GRAMD1C: variants seen among roughly 807,000 people sequenced by gnomAD.
GRAMD1C encodes the protein GRAM domain containing 1C.
GRAMD1C carries 89 observed loss-of-function variants against 97.8 expected under a neutral mutation model. The observed-to-expected ratio is 0.91, with a 90% CI of 0.77 to 1.09. The LOEUF is 1.09. Among genes scored for constraint, GRAMD1C ranks in the 50% least tolerant of loss-of-function variants. The pLI, the probability that GRAMD1C is intolerant of heterozygous loss-of-function variation, is 0.00. For synonymous variants in GRAMD1C, 256 were observed against 267.0 expected (o/e 0.96, Z 0.40); for missense variants, 740 against 766.4 (o/e 0.97, Z 0.41).
intron 10 of GRAMD1C, chr3:113,920,138 A>C: frequency 7.1e-7 from 1 of 1,414,460 alleles, no homozygotes; most frequent in Non-Finnish European, 9.9e-7. Context: ...ACAGAGAAAA[A>C]ACTTTCACCA....
chr3:113,925,218 G>A (rs1299337831), intron 10 of GRAMD1C, among the ~76,000 whole-genome samples: 1 of 152,080 alleles, frequency 6.6e-6, no homozygotes, highest in African/African-American at 2.4e-5. Context: ...GTCTGGGCAC[G>A]GGGGCTCACG....
chr3:113,829,657 T>C (rs1709532860), intron 1 of GRAMD1C, among the ~76,000 whole-genome samples: 1 of 152,236 alleles, frequency 6.6e-6, no homozygotes, highest in Non-Finnish European at 1.5e-5. Flanking sequence ...GTTTGCTTTA[T>C]TTATTATTCT....
chr3:113,898,090 G>A (rs1391487485), intron 6 of GRAMD1C, among the ~76,000 whole-genome samples: 1 of 151,972 alleles, frequency 6.6e-6, no homozygotes, highest in Non-Finnish European at 1.5e-5. Context: ...TAAATTACTA[G>A]CTTGAAAAGT....
At chr3:113,901,679 G>A (rs1451154487) in intron 7 of GRAMD1C, among the ~76,000 whole-genome samples, 1 of 152,160 alleles carries the variant, frequency 6.6e-6, no homozygotes. Context: ...GAAATTAAGA[G>A]TACAGAGAGA....
rs759022966 is a variant in GRAMD1C, at chr3:113,882,808, G to T, written c.516G>T (p.Leu172Phe). The T allele has an allele frequency of 6.3e-7, 1 of 1,580,320 alleles. No homozygotes were observed. The highest frequency in any genetic ancestry group is 8.7e-7 in the Non-Finnish European group (1 of 1,149,896). ...GAAGTTACCTCAGTATCTTTAGGTT[G>T]TGGCAGAATGTATTATTAGATAAGG... ...RDRSYLSIFR[L>F]WQNVLLDKSL... Residue 172 changes from leucine (L) to phenylalanine (F), a missense_variant, in exon 6 of 18, where the codon TTG becomes TTT. Leu to Phe is a conservative substitution (Grantham distance 22). Transcript: ENST00000358160.
intron 10 of GRAMD1C, among the ~76,000 whole-genome samples, chr3:113,927,673 C>A (rs1249629753): frequency 6.6e-6 from 1 of 152,188 alleles, no homozygotes; most frequent in Non-Finnish European, 1.5e-5. Flanking sequence ...CTCTAGCAGG[C>A]ATGGCCTGTC....
intron 3 of GRAMD1C, among the ~76,000 whole-genome samples, chr3:113,873,551 C>T (rs2107379706): frequency 6.6e-6 from 1 of 152,046 alleles, no homozygotes; most frequent in East Asian, 1.9e-4. Context: ...CAGACTCTCA[C>T]TCTGTTGCCC....
intron 9 of GRAMD1C, chr3:113,913,092 T>TA (rs1319114000): frequency 1.6e-6 from 2 of 1,279,628 alleles, no homozygotes; most frequent in Non-Finnish European, 2.0e-6. Flanking sequence ...GGGCATGGAT[T>TA]AGTCATACGC....
At chr3:113,886,576 TTG>T (rs1935490627) in intron 6 of GRAMD1C, among the ~76,000 whole-genome samples, 1 of 152,142 alleles carries the variant, frequency 6.6e-6, no homozygotes, top group East Asian at 1.9e-4. Context: ...GTAACCAGCT[TTG>T]TGTCTTTTTT....
At chr3:113,879,742 G>A (rs1382707078) in intron 5 of GRAMD1C, among the ~76,000 whole-genome samples, 2 of 145,312 alleles carry the variant, frequency 1.4e-5, no homozygotes, top group Non-Finnish European at 3.0e-5. Context: ...CAACCAGGCT[G>A]GAGTGCAATG....
At chr3:113,908,766 A>G (rs1426673809) in intron 8 of GRAMD1C, among the ~76,000 whole-genome samples, 192 bp from the exon 9 acceptor site, 1 of 152,198 alleles carries the variant, frequency 6.6e-6, no homozygotes, top group Admixed American at 6.5e-5. Context: ...TTAGAATGGT[A>G]TATATTATTT....
intron 9 of GRAMD1C, among the ~76,000 whole-genome samples, chr3:113,910,241 G>A (rs56054804): frequency 0.2 from 30,733 of 152,002 alleles, 3,125 homozygotes; most frequent in African/African-American, 0.23. Flanking sequence ...AAATTAGCCG[G>A]GTGTGGCGGT....
At chr3:113,889,247 T>C (rs1935626039) in intron 6 of GRAMD1C, among the ~76,000 whole-genome samples, 1 of 151,826 alleles carries the variant, frequency 6.6e-6, no homozygotes, top group African/African-American at 2.4e-5. Flanking sequence ...AGTAATAAAA[T>C]GTAGTGAAGT....
chr3:113,877,594 G>A (rs772970622), intron 5 of GRAMD1C, among the ~76,000 whole-genome samples: 3 of 152,084 alleles, frequency 2.0e-5, no homozygotes, highest in Non-Finnish European at 4.4e-5. Flanking sequence ...TTAAATTTAG[G>A]TTGTGTAATT....
rs1189275882 is a variant in GRAMD1C, at chr3:113,886,783, T to G, written c.540+3951T>G. Among the ~76,000 whole-genome samples, 1,291 of 131,486 alleles carry G rather than the reference T, an allele frequency of 9.8e-3. 10 individuals carry two copies. Among genetic ancestry groups the G allele is most frequent in the African/African-American group, 0.033 (1,156 of 35,148 alleles). 86.3% of individuals were successfully genotyped at this position (131,486 alleles called of 152,430 possible). A position where few individuals can be genotyped will look rare whatever the true frequency, so the allele number is the denominator to read the frequency against. On this transcript the variant is annotated intron_variant, in intron 6 of 17. Transcript: ENST00000358160. The stretch of plus-strand genomic sequence containing the variant: ...TTTTTTTGTTTGTTTGCTTGTTTTT[T>G]TTTTTTTTTTTTTTTTTGAGATGGA...
intron 2 of GRAMD1C, chr3:113,850,751 G>A (rs1273721029): frequency 5.2e-6 from 7 of 1,343,392 alleles, no homozygotes; most frequent in Non-Finnish European, 6.3e-6. Context: ...TGTAGGGTCC[G>A]GGGCTGAGGC....
intron 17 of GRAMD1C, among the ~76,000 whole-genome samples, chr3:113,940,626 A>G (rs933471761): frequency 6.7e-6 from 1 of 149,522 alleles, no homozygotes; most frequent in Non-Finnish European, 1.5e-5. Flanking sequence ...ATCAGTGTGT[A>G]TACATCTACT....
chr3:113,885,289 G>T lies in GRAMD1C; in HGVS notation c.540+2457G>T, dbSNP rs1935428455. On this transcript the variant is annotated intron_variant, in intron 6 of 17. Transcript: ENST00000358160. ...GGCCTCCGGGGCCGGCGGTGCCGGG[G>T]TCATCCGGATGGTGCGGACGCAGTG... 36 of 1,485,012 alleles carry T rather than the reference G, an allele frequency of 2.4e-5. No homozygotes were observed. In the South Asian group the frequency reaches 3.6e-4, roughly 15 times the overall value. The allele number at this position is 1,485,012 out of a possible 1,614,324, so 92.0% of individuals were successfully genotyped here. A position where few individuals can be genotyped will look rare whatever the true frequency, so the allele number is the denominator to read the frequency against.
At chr3:113,850,869 TTG>T in intron 2 of GRAMD1C, 1 of 287,508 alleles carries the variant, frequency 3.5e-6, no homozygotes, top group Non-Finnish European at 5.6e-6. Context: ...TGGTGTGATC[TTG>T]GCTCACTGCA....
Sources: allele counts gnomAD v4.1 joint callset (sites outside exome capture counted in the v4.1 genomes callset), GRCh38; gene constraint gnomAD v4.1.1; transcripts MANE v1.5; gene names NCBI Gene and HGNC (gene_info 2026-07-23, HGNC 2026-07-21).